The following CLCN3 variants were observed in gnomAD, a reference collection of about 807,000 sequenced individuals.
CLCN3 encodes Cl-/H+ antiporter 3.
In CLCN3, 16 loss-of-function variants were observed where a neutral mutation model predicts 83.4. The observed-to-expected ratio is 0.19, with a 90% CI of 0.13 to 0.29. The LOEUF is 0.29. CLCN3 is among the 10% of genes least tolerant of loss of function. The pLI is 1.00. For synonymous variants in CLCN3, 322 were observed against 346.2 expected (o/e 0.93, Z 0.78); for missense variants, 544 against 1,006.0 (o/e 0.54, Z 6.21).
At chr4:169,670,919 G>C (rs1731434054) in intron 2 of CLCN3, among the ~76,000 whole-genome samples, 1 of 152,126 alleles carries the variant, frequency 6.6e-6, no homozygotes, top group Admixed American at 6.5e-5. Flanking sequence ...CCAGTCAAAT[G>C]GTGATTATTA....
chr4:169,698,198 G>A (rs1288941301), intron 9 of CLCN3, among the ~76,000 whole-genome samples: 1 of 152,108 alleles, frequency 6.6e-6, no homozygotes, highest in Non-Finnish European at 1.5e-5. Context: ...AGGGTAAATG[G>A]AGTATCCATC....
chr4:169,641,751 G>A (rs1730419160), intron 2 of CLCN3, among the ~76,000 whole-genome samples: 1 of 152,108 alleles, frequency 6.6e-6, no homozygotes, highest in South Asian at 2.1e-4. Context: ...TAGAGTGAGG[G>A]TACACAACAC....
intron 2 of CLCN3, among the ~76,000 whole-genome samples, chr4:169,637,071 T>A (rs1330160811): frequency 2.0e-5 from 3 of 152,226 alleles, no homozygotes; most frequent in Non-Finnish European, 2.9e-5. Context: ...CCAGTGTGGT[T>A]GCAGTAGTCT....
chr4:169,704,696 T>C (rs747451141), intron 10 of CLCN3, among the ~76,000 whole-genome samples: 5 of 152,206 alleles, frequency 3.3e-5, no homozygotes, highest in African/African-American at 4.8e-5. Flanking sequence ...AACTTCATTT[T>C]AATGAGAAGA....
At chr4:169,661,745 A>G (rs973853011) in intron 2 of CLCN3, among the ~76,000 whole-genome samples, 3 of 152,188 alleles carry the variant, frequency 2.0e-5, no homozygotes, top group African/African-American at 7.2e-5. Context: ...ATCTAAAAGC[A>G]TAAAGAAGAA....
chr4:169,639,036 TTTC>T (rs1220998530), intron 2 of CLCN3, among the ~76,000 whole-genome samples: 1 of 152,126 alleles, frequency 6.6e-6, no homozygotes, highest in Non-Finnish European at 1.5e-5. Flanking sequence ...GGTGTTTTCT[TTTC>T]TTTTTTTGGA....
chr4:169,703,959 A>G (rs1281958597), intron 9 of CLCN3, 39 bp from the exon 10 acceptor site: 15 of 1,589,408 alleles, frequency 9.4e-6, no homozygotes, highest in Non-Finnish European at 1.3e-5. Flanking sequence ...ATGTGAGTAG[A>G]GGATCTCTGC....
chr4:169,678,656 A>G (rs550931672), intron 2 of CLCN3, among the ~76,000 whole-genome samples: 2 of 152,288 alleles, frequency 1.3e-5, no homozygotes, highest in East Asian at 1.9e-4. Flanking sequence ...TCTGTTTAAC[A>G]AAGCACATCT....
intron 10 of CLCN3, among the ~76,000 whole-genome samples, chr4:169,706,448 C>A (rs1359167665): frequency 6.6e-6 from 1 of 151,850 alleles, no homozygotes; most frequent in African/African-American, 2.4e-5. Context: ...AATATTCTAC[C>A]CATATATGAG....
intron 2 of CLCN3, chr4:169,643,125 C>T (rs1170207391): frequency 1.3e-5 from 2 of 152,172 alleles, no homozygotes; most frequent in Non-Finnish European, 2.9e-5. Context: ...AGCAACAGAA[C>T]ACAACCCAGC....
rs1553965336 is a variant in CLCN3, at chr4:169,636,735, G to GTTGTTTTTTTTTTTTTT, written c.160+649_160+650insGTTTTTTTTTTTTTTTT. ...TTCTACACTGATATTTCATTATTTG[G>GTTGTTTTTTTTTTTTTT]TTTTTTTTTTTTTTTTCATATTTTG... On this transcript the variant is annotated intron_variant, in intron 2 of 12. Coordinates refer to ENST00000513761, the MANE Select transcript of CLCN3 (RefSeq NM_001829.4). 4.2e-5 allele frequency among the ~76,000 whole-genome samples: 5 copies of GTTGTTTTTTTTTTTTTT among 119,520 alleles called. 1 individual carries two copies. Among genetic ancestry groups the GTTGTTTTTTTTTTTTTT allele is most frequent in the Non-Finnish European group, 5.4e-5 (3 of 55,518 alleles). The allele number at this position is 119,520 out of a possible 152,430, so 78.4% of individuals were successfully genotyped here. A position where few individuals can be genotyped will look rare whatever the true frequency, so the allele number is the denominator to read the frequency against.
At chr4:169,707,297 A>G (rs1393353296) in intron 11 of CLCN3, 31 bp downstream of exon 11, 2 of 1,482,044 alleles carry the variant, frequency 1.3e-6, no homozygotes, top group Non-Finnish European at 9.1e-7. Context: ...ATATGTATAT[A>G]TGAGATGGAT....
At chr4:169,625,750 C>T (rs1357137329) in intron 1 of CLCN3, among the ~76,000 whole-genome samples, 2 of 152,154 alleles carry the variant, frequency 1.3e-5, no homozygotes, top group Admixed American at 6.5e-5. Context: ...ATTACCAGGT[C>T]CTCTTAAATA....
intron 9 of CLCN3, 112 bp downstream of exon 9, chr4:169,697,846 G>T (rs1269395771): frequency 1.4e-6 from 1 of 723,516 alleles, no homozygotes; most frequent in Non-Finnish European, 2.3e-6. Flanking sequence ...CTTATCTTTT[G>T]AGTTTAATTT....
At chr4:169,680,421 C>A in intron 3 of CLCN3, 8 of 399,834 alleles carry the variant, frequency 2.0e-5, no homozygotes, top group South Asian at 5.9e-5. Flanking sequence ...TTTCAGGTAG[C>A]TAAAAAACAA....
chr4:169,717,775 A>C (rs1478042321), intron 12 of CLCN3: 2 of 1,535,604 alleles, frequency 1.3e-6, no homozygotes, highest in Admixed American at 3.4e-5. Context: ...AGTTATTAGC[A>C]TAATAATCTG....
intron 9 of CLCN3, among the ~76,000 whole-genome samples, chr4:169,701,081 C>T (rs1732768025): frequency 6.6e-6 from 1 of 152,200 alleles, no homozygotes; most frequent in Admixed American, 6.5e-5. Flanking sequence ...ATTTTACCTA[C>T]AGTAGACCTT....
chr4:169,701,730 G>A (rs1163723278), intron 9 of CLCN3, among the ~76,000 whole-genome samples: 1 of 152,162 alleles, frequency 6.6e-6, no homozygotes, highest in East Asian at 1.9e-4. Flanking sequence ...GAGTGGGAAT[G>A]AAAAGAAATT....
chr4:169,635,548 G>A lies in CLCN3; in HGVS notation c.-16-365G>A, dbSNP rs551665273. 8.5e-5 allele frequency among the ~76,000 whole-genome samples: 13 copies of A among 152,064 alleles called. No individual in the cohort carries two copies. The South Asian group carries it at 1.7e-3, about 19-fold the overall frequency. On this transcript the variant is annotated intron_variant, in intron 1 of 12. Transcript: ENST00000513761. ...TTACACCTGATAAAATATTCAAAAG[G>A]GGCAGTCTGTCTTTCAAACCTTGTA... is the stretch of plus-strand genomic sequence containing the variant.
Sources: allele counts gnomAD v4.1 joint callset (sites outside exome capture counted in the v4.1 genomes callset), GRCh38; gene constraint gnomAD v4.1.1; transcripts MANE v1.5; gene names NCBI Gene and HGNC (gene_info 2026-07-23, HGNC 2026-07-21).